DIAPH2: variants seen among roughly 807,000 people sequenced by gnomAD.
DIAPH2 encodes protein diaphanous homolog 2.
In DIAPH2, 35 loss-of-function variants were observed where a neutral mutation model predicts 92.7. That is an observed-to-expected ratio of 0.38 (90% CI 0.29 to 0.50). The LOEUF is 0.50. Among genes scored for constraint, DIAPH2 ranks in the 20% least tolerant of loss-of-function variants. The pLI is 0.94. For missense variants in DIAPH2, 701 were observed against 819.5 expected, an observed-to-expected ratio of 0.86 and a Z score of 1.77; for synonymous variants, 301 against 280.4, an observed-to-expected ratio of 1.07 and a Z score of -0.73.
At chrX:97,025,125 C>T (rs1418571585) in intron 17 of DIAPH2, among the ~76,000 whole-genome samples, 2 of 111,282 alleles carry the variant, frequency 1.8e-5, no homozygotes, top group Admixed American at 9.5e-5. Flanking sequence ...CCGAGGTGGG[C>T]GGATCACTTG....
At chrX:97,313,412 A>G (rs1264382573) in intron 23 of DIAPH2, among the ~76,000 whole-genome samples, 1 of 111,832 alleles carries the variant, frequency 8.9e-6, no homozygotes, top group Non-Finnish European at 1.9e-5. Context: ...TTTATATAAC[A>G]TGGTTTGAAA....
At chrX:97,148,563 G>C (rs988805562) in intron 22 of DIAPH2, among the ~76,000 whole-genome samples, 1 of 110,584 alleles carries the variant, frequency 9.0e-6, no homozygotes, top group Non-Finnish European at 1.9e-5. Context: ...TACAATCTCG[G>C]TGCTATCATA....
intron 4 of DIAPH2, among the ~76,000 whole-genome samples, chrX:96,761,632 T>C (rs753883506): frequency 1.1e-4 from 12 of 111,630 alleles, no homozygotes; most frequent in African/African-American, 3.9e-4. Flanking sequence ...GTTTGTGCTT[T>C]AGCTAAATGC....
intron 20 of DIAPH2, among the ~76,000 whole-genome samples, chrX:97,106,418 C>T (rs1229682536): frequency 9.0e-6 from 1 of 111,594 alleles, no homozygotes. Flanking sequence ...TTACTAACTT[C>T]TTATAATCAT....
intron 23 of DIAPH2, among the ~76,000 whole-genome samples, chrX:97,303,315 C>A (rs975881597): frequency 9.0e-6 from 1 of 111,607 alleles, no homozygotes; most frequent in South Asian, 3.7e-4. Context: ...GATACTGGAA[C>A]AACAGATCAT....
chrX:97,011,383 C>A (rs2147864114), intron 17 of DIAPH2, among the ~76,000 whole-genome samples: 1 of 111,562 alleles, frequency 9.0e-6, no homozygotes, highest in South Asian at 3.8e-4. Context: ...TTGGGCTGGG[C>A]TAAGACAATG....
chrX:96,716,196 A>T (rs989064813), intron 1 of DIAPH2, among the ~76,000 whole-genome samples: 1 of 111,800 alleles, frequency 8.9e-6, no homozygotes, highest in African/African-American at 3.2e-5. Flanking sequence ...CTACCATTTT[A>T]AAAAATGCCT....
intron 23 of DIAPH2, among the ~76,000 whole-genome samples, chrX:97,260,111 T>C (rs1485584949): frequency 8.9e-6 from 1 of 112,879 alleles, no homozygotes; most frequent in Non-Finnish European, 1.9e-5. Context: ...ATTACAGGCC[T>C]GAGCCACCAC....
intron 17 of DIAPH2, among the ~76,000 whole-genome samples, chrX:97,009,579 A>G (rs1186131806): frequency 8.9e-6 from 1 of 112,615 alleles, no homozygotes; most frequent in African/African-American, 3.2e-5. Flanking sequence ...CAAGGCCCAC[A>G]GCTAGTATTT....
chrX:96,781,294 A>G (rs2147625650), intron 4 of DIAPH2, among the ~76,000 whole-genome samples: 1 of 111,620 alleles, frequency 9.0e-6, no homozygotes, highest in African/African-American at 3.2e-5. Flanking sequence ...TTAGGAAGGC[A>G]ACAATATCAT....
chrX:97,189,453 C>T (rs1251858055), intron 22 of DIAPH2, among the ~76,000 whole-genome samples: 1 of 91,143 alleles, frequency 1.1e-5, no homozygotes, highest in Admixed American at 1.2e-4. Flanking sequence ...CTCCCTCCCA[C>T]CCTCCCTCTT....
intron 26 of DIAPH2, among the ~76,000 whole-genome samples, chrX:97,461,963 G>C (rs2070462925): frequency 9.0e-6 from 1 of 111,384 alleles, no homozygotes; most frequent in Admixed American, 9.6e-5. Flanking sequence ...TCAGAGGAAA[G>C]CTTTTTAAGA....
intron 5 of DIAPH2, among the ~76,000 whole-genome samples, chrX:96,887,625 A>C (rs1008327809): frequency 9.8e-5 from 11 of 111,801 alleles, no homozygotes; most frequent in African/African-American, 3.6e-4. Context: ...GGTCATAATT[A>C]TTAGTGATCA....
At chrX:97,437,620 CAA>C (rs1286505447) in intron 26 of DIAPH2, among the ~76,000 whole-genome samples, 1 of 110,783 alleles carries the variant, frequency 9.0e-6, no homozygotes, top group Non-Finnish European at 1.9e-5. Flanking sequence ...TGGGGGAAAA[CAA>C]GAGGAATAGG....
At chrX:96,893,797 C>A (rs571268848) in intron 5 of DIAPH2, among the ~76,000 whole-genome samples, 1 of 111,782 alleles carries the variant, frequency 8.9e-6, no homozygotes, top group Non-Finnish European at 1.9e-5. Flanking sequence ...AATTAAGATG[C>A]CAGCTGGCAC....
intron 5 of DIAPH2, among the ~76,000 whole-genome samples, chrX:96,885,917 G>C (rs2147753291): frequency 9.0e-6 from 1 of 111,455 alleles, no homozygotes; most frequent in East Asian, 2.8e-4. Flanking sequence ...GGACGTTAGG[G>C]AAACAGCTCA....
chrX:96,853,050 A>C (rs1169487054), intron 4 of DIAPH2, among the ~76,000 whole-genome samples: 2 of 111,820 alleles, frequency 1.8e-5, no homozygotes, highest in African/African-American at 6.5e-5. Context: ...CCTCAGTTAA[A>C]AGATAATGAA....
chrX:96,865,247 GAAC>G (rs990158420), intron 4 of DIAPH2, among the ~76,000 whole-genome samples: 1 of 111,687 alleles, frequency 9.0e-6, no homozygotes, highest in African/African-American at 3.3e-5. Context: ...TTTTTTATGT[GAAC>G]AATCAGACCT....
intron 26 of DIAPH2, among the ~76,000 whole-genome samples, chrX:97,552,778 G>A (rs1220911980): frequency 1.8e-5 from 2 of 111,832 alleles, no homozygotes; most frequent in Admixed American, 9.5e-5. Flanking sequence ...TTATTACTAC[G>A]TGTATTAGTT....
Sources: allele counts gnomAD v4.1 joint callset (sites outside exome capture counted in the v4.1 genomes callset), GRCh38; gene constraint gnomAD v4.1.1; transcripts MANE v1.5; gene names NCBI Gene and HGNC (gene_info 2026-07-23, HGNC 2026-07-21).